The following KIF1A variants were observed in gnomAD, a reference collection of about 807,000 sequenced individuals.
The protein encoded by KIF1A is kinesin family member 1A, also known as kinesin-like protein KIF1A.
Under a neutral mutation model 227.3 loss-of-function variants are expected in KIF1A, and 46 were observed. The ratio of observed to expected loss-of-function variants is 0.20; its 90% CI spans 0.16 to 0.26. The LOEUF (loss-of-function observed/expected upper bound fraction) is 0.26, where lower values mean the gene tolerates loss of function less well. Ranked by LOEUF, KIF1A falls within the 10% of genes least tolerant of loss-of-function variation. The pLI is 1.00. For missense variants in KIF1A, 1,683 were observed against 2,485.9 expected, an observed-to-expected ratio of 0.68 and a Z score of 6.87; for synonymous variants, 1,022 against 1,012.8, an observed-to-expected ratio of 1.01 and a Z score of -0.17.
chr2:240,774,129 C>T (rs2052406625), intron 12 of KIF1A, 54 bp downstream of exon 12: 4 of 1,176,218 alleles, frequency 3.4e-6, no homozygotes, highest in Non-Finnish European at 5.0e-6. Flanking sequence ...CGAGAGGATC[C>T]ATCCCCCAAG....
chr2:240,807,399 T>TC (rs1165853073), intron 1 of KIF1A, among the ~76,000 whole-genome samples: 2 of 152,128 alleles, frequency 1.3e-5, no homozygotes, highest in African/African-American at 4.8e-5. Context: ...CGCGCTGGCC[T>TC]CCCAAAGTGC....
intron 38 of KIF1A, chr2:240,728,424 G>T: frequency 7.7e-7 from 1 of 1,300,624 alleles, no homozygotes; most frequent in Non-Finnish European, 1.0e-6. Flanking sequence ...TAAAGGTGGA[G>T]GCAGCCAGGA....
rs2050428446 is a variant in KIF1A, at chr2:240,760,860, T to C, written c.2266-17A>G. ...GAATTGTACCTGTGACAGGGGAAGATGACCACTCGTCAGCTCCTTGGGGGA... is the reference window on the plus strand; with the variant it reads ...GAATTGTACCTGTGACAGGGGAAGACGACCACTCGTCAGCTCCTTGGGGGA... On this transcript the variant is annotated splice_polypyrimidine_tract_variant and intron_variant, in intron 24 of 48. Coordinates refer to ENST00000498729, the MANE Select transcript of KIF1A (RefSeq NM_001244008.2). 2 of 1,603,156 alleles carry C rather than the reference T, an allele frequency of 1.2e-6. No homozygotes were observed. The highest frequency in any genetic ancestry group is 1.3e-5 in the African/African-American group (1 of 74,404).
At chr2:240,720,799 A>G in intron 45 of KIF1A, 115 bp downstream of exon 45, 1 of 1,289,662 alleles carries the variant, frequency 7.8e-7, no homozygotes. Context: ...TGGCCACCCC[A>G]AGGCACTCGG....
chr2:240,757,621 G>T lies in KIF1A; in HGVS notation c.2583-27C>A, dbSNP rs2050018106. On this transcript the variant is annotated intron_variant, in intron 26 of 48. Coordinates refer to ENST00000498729, the MANE Select transcript of KIF1A (RefSeq NM_001244008.2). The surrounding 1 kb of genome is among the most constrained non-coding windows in gnomAD (Gnocchi z 6.2). ...TGAGGTTAGTGCGACAAGACAGAGA[G>T]AAGTTAACACCAGCGACTCGCAGGG... 3 of 1,486,964 alleles carry T rather than the reference G, an allele frequency of 2.0e-6. No homozygotes were observed. The highest frequency in any genetic ancestry group is 2.8e-5 in the African/African-American group (2 of 71,154). The allele number at this position is 1,486,964 out of a possible 1,614,324, so 92.1% of individuals were successfully genotyped here. A position where few individuals can be genotyped will look rare whatever the true frequency, so the allele number is the denominator to read the frequency against.
chr2:240,727,009 G>A, intron 38 of KIF1A, 69 bp from the exon 39 acceptor site: 1 of 900,666 alleles, frequency 1.1e-6, no homozygotes, highest in East Asian at 2.7e-5. Flanking sequence ...CCGGGGACAT[G>A]CAGACAGACA....
Position 240,757,452 on chromosome 2 carries a change from CCT to C in KIF1A, c.2723_2724del (p.Glu908GlyfsTer11), listed in dbSNP as rs869141203. 6.5e-6 allele frequency: 10 copies of C among 1,550,100 alleles called. No individual in the cohort carries two copies. The highest frequency in any genetic ancestry group is 1.4e-5 in the African/African-American group (1 of 73,010). ...TCCTCCTCCTCCTCCTCCTCCTCCT[CCT>C]CCCCCACGCTCTGCTCCTCGGCAGG... Reference protein sequence around the residue: ...TEPAEEQSVGEEEEEEEEEED... With the variant: ...TEPAEEQSVGXEEEEEEEEED... On this transcript the variant is annotated frameshift_variant, in exon 27 of 49. Transcript: ENST00000498729. LOFTEE classifies it high-confidence loss of function. The surrounding 1 kb of genome is among the most constrained non-coding windows in gnomAD (Gnocchi z 6.2).
At chr2:240,786,787 T>A (rs1167633327) in intron 5 of KIF1A, among the ~76,000 whole-genome samples, 10 of 106,646 alleles carry the variant, frequency 9.4e-5, no homozygotes, top group African/African-American at 3.1e-4. Flanking sequence ...GACCCCTGAG[T>A]GAGGGGGTGG....
chr2:240,797,649 G>A lies in KIF1A; in HGVS notation c.104C>T (p.Thr35Ile). Residue 35 changes from threonine (T) to isoleucine (I), a missense_variant and splice_region_variant, in exon 2 of 49, where the codon ACC (threonine) becomes ATC (isoleucine). By Grantham distance (89) the Thr-to-Ile change is moderately conservative. Transcript: ENST00000498729. ...KCIIQMSGST[T>I]TIVNPKQPKE... is the part of the protein sequence containing the mutation. Reference sequence around the variant, plus strand: ...ATGCTGTGCAGGCTGATACTCACTGGTGGTGCTTCCAGACATCTGAATGAT... The same window carrying A: ...ATGCTGTGCAGGCTGATACTCACTGATGGTGCTTCCAGACATCTGAATGAT... 1 of 1,606,444 alleles carries A rather than the reference G, an allele frequency of 6.2e-7. No homozygotes were observed. The highest frequency in any genetic ancestry group is 8.5e-7 in the Non-Finnish European group (1 of 1,174,170).
chr2:240,719,739 C>T (rs1355655611), intron 46 of KIF1A, 35 bp downstream of exon 46: 3 of 1,514,576 alleles, frequency 2.0e-6, no homozygotes, highest in South Asian at 1.3e-5. Flanking sequence ...CAGCACAGAG[C>T]TGGTGGCGGT....
In KIF1A at chr2:240,722,520, G is replaced by A. The variant is rs371486580; in HGVS notation, c.4601C>T (p.Ser1534Leu). 1.8e-5 allele frequency: 28 copies of A among 1,548,228 alleles called. No individual in the cohort carries two copies. Among genetic ancestry groups the A allele is most frequent in the African/African-American group, 1.2e-4 (9 of 72,996 alleles). ...HGSSSASSPL[S>L]AEGRPSPLEA... ...CAGGGGTGATGGGCGGCCCTCAGCC[G>A]AGAGCGGGGAGGAGGCGCTGGAGGA... Residue 1534 changes from serine (S) to leucine (L), a missense_variant, in exon 43 of 49, where the codon TCG becomes TTG. Physicochemically the swap from Ser to Leu is moderately radical, Grantham distance 145. Around this residue, in one of 12 missense-constraint regions of KIF1A, gnomAD observed 384 missense variants for 410.1 expected, o/e 0.94. Transcript: ENST00000498729.
At chr2:240,782,321 G>T in intron 10 of KIF1A, 1 of 654,552 alleles carries the variant, frequency 1.5e-6, no homozygotes, top group African/African-American at 2.0e-5. Context: ...CACGCCCCCC[G>T]GGCCACACTT....
rs537989393 is a variant in KIF1A at position 240,750,451 on chromosome 2, G to A, written c.2955C>T (p.Arg985=). ...CACCTGAGATGGCCTGGACGGCCAC[G>A]CGGAGGAAGCCCTTCACCTCGCCCT... ...SEKGEVKGFL[R]VAVQAISADE... The change falls in exon 28 of 49, where the codon CGC becomes CGT. Residue 985 remains arginine (R), a synonymous_variant. Coordinates refer to ENST00000498729, the MANE Select transcript of KIF1A (RefSeq NM_001244008.2). 4.3e-5 allele frequency: 69 copies of A among 1,613,640 alleles called. No individual in the cohort carries two copies. Among genetic ancestry groups the A allele is most frequent in the African/African-American group, 2.7e-4 (20 of 75,060 alleles).
intron 24 of KIF1A, 101 bp from the exon 25 acceptor site, chr2:240,760,944 GC>G: frequency 1.7e-6 from 2 of 1,184,406 alleles, no homozygotes; most frequent in Non-Finnish European, 2.4e-6. Flanking sequence ...TCAGCTGCCT[GC>G]CCCACAATGG....
chr2:240,794,783 C>T (rs2056181269), intron 2 of KIF1A, among the ~76,000 whole-genome samples: 1 of 152,202 alleles, frequency 6.6e-6, no homozygotes, highest in South Asian at 2.1e-4. Context: ...CTGTCCCTGC[C>T]ACCCTCACAA....
intron 1 of KIF1A, among the ~76,000 whole-genome samples, chr2:240,801,830 A>C (rs2056999289): frequency 6.6e-6 from 1 of 152,248 alleles, no homozygotes; most frequent in South Asian, 2.1e-4. Context: ...CCCAGCCTCC[A>C]GAACTGTGAA....
rs1402894250 is a variant in KIF1A at position 240,752,136 on chromosome 2, T to C, written c.2859-1589A>G. Among the ~76,000 whole-genome samples the C allele has an allele frequency of 2.7e-5, 4 of 150,862 alleles. No individual in the cohort carries two copies. The highest frequency in any genetic ancestry group is 6.6e-5 in the Admixed American group (1 of 15,196). ...AAGCCCCTGGTGGCTTTTTGGGCCC[T>C]CTCCCCAGCACAACGCCCCCTCTGA... On this transcript the variant is annotated intron_variant, in intron 27 of 48. Transcript: ENST00000498729. This position sits in a 1 kb window ranked among gnomAD's most constrained non-coding sequence, Gnocchi z 6.4.
chr2:240,775,765 G>T lies in KIF1A; in HGVS notation c.958+86C>A. 1 of 907,680 alleles carries T rather than the reference G, an allele frequency of 1.1e-6. No homozygotes were observed. The highest frequency in any genetic ancestry group is 1.4e-5 in the South Asian group (1 of 73,570). 56.2% of individuals were successfully genotyped at this position (907,680 alleles called of 1,614,324 possible). ...CAGAAAGGGTGAGAGGCCTGCTGGCGACTGGGCACCCCCTCAGTGGGGAAG... is the reference window on the plus strand; with the variant it reads ...CAGAAAGGGTGAGAGGCCTGCTGGCTACTGGGCACCCCCTCAGTGGGGAAG... On this transcript the variant is annotated intron_variant, in intron 11 of 48. Transcript: ENST00000498729. The surrounding 1 kb of genome is among the most constrained non-coding windows in gnomAD (Gnocchi z 5.5).
At chr2:240,773,009 A>G (rs2125967348) in intron 13 of KIF1A, 105 bp downstream of exon 13, 1 of 1,261,348 alleles carries the variant, frequency 7.9e-7, no homozygotes, top group Non-Finnish European at 1.1e-6. Context: ...CCCAGGGTGC[A>G]GCCAGCAAAG....
Sources: gnomAD v4.1 joint callset for allele counts (sites outside exome capture counted in the v4.1 genomes callset) on GRCh38, gnomAD v4.1.1 for gene constraint, gnomAD v4.1.1 regional missense constraint, Gnocchi (gnomAD v3.1) non-coding constraint, MANE v1.5 for transcripts, NCBI Gene and HGNC (gene_info 2026-07-23, HGNC 2026-07-21) for gene names.